Variants in SUPT3H observed in about 807,000 individuals in gnomAD.
SUPT3H encodes transcription initiation protein SPT3 homolog.
In SUPT3H, 44 loss-of-function variants were observed where a neutral mutation model predicts 44.3. The observed-to-expected ratio is 0.99, with a 90% confidence interval of 0.78 to 1.28. The LOEUF (loss-of-function observed/expected upper bound fraction) is 1.28, where lower values mean the gene tolerates loss of function less well. Ranked by LOEUF, SUPT3H falls within the 50% of genes most tolerant of loss-of-function variation. SUPT3H has a pLI of 0.00. For synonymous variants in SUPT3H, 124 were observed against 125.6 expected (o/e 0.99, Z 0.09); for missense variants, 380 against 387.1 (o/e 0.98, Z 0.15).
chr6:45,080,738 T>C (rs1370090904), intron 3 of SUPT3H, among the ~76,000 whole-genome samples: 1 of 151,966 alleles, frequency 6.6e-6, no homozygotes, highest in East Asian at 1.9e-4. Flanking sequence ...ATTGAACTCA[T>C]GGACACAGAG....
Position 44,937,410 on chromosome 6 carries a change from C to T in SUPT3H, c.802-4647G>A, listed in dbSNP as rs1326166842. ...TCGGGAGGCTGAGGCAAGGGAATCG[C>T]TTGAACCCGGGAGGTGGAGGTTGCA... On this transcript the variant is annotated intron_variant, in intron 9 of 10. Transcript: ENST00000371459. Among the ~76,000 whole-genome samples the T allele has an allele frequency of 2.6e-5, 4 of 152,012 alleles. No homozygotes were observed. In the East Asian group the frequency reaches 7.8e-4, roughly 29 times the overall value.
intron 9 of SUPT3H, among the ~76,000 whole-genome samples, chr6:44,938,208 GTCTTA>G (rs1771811844): frequency 6.6e-6 from 1 of 151,542 alleles, no homozygotes; most frequent in African/African-American, 2.4e-5. Context: ...ATAGTTTCAG[GTCTTA>G]TCTTTAAGTC....
At chr6:45,260,037 C>G (rs558328620) in intron 2 of SUPT3H, among the ~76,000 whole-genome samples, 1 of 152,116 alleles carries the variant, frequency 6.6e-6, no homozygotes, top group East Asian at 1.9e-4. Flanking sequence ...TAACAAAAAG[C>G]ACTGTTCTTC....
intron 3 of SUPT3H, chr6:45,097,736 G>A (rs1185901043): frequency 1.3e-5 from 2 of 152,174 alleles, no homozygotes; most frequent in Non-Finnish European, 2.9e-5. Flanking sequence ...TATCTCTAAT[G>A]ATAAAAATAT....
intron 2 of SUPT3H, among the ~76,000 whole-genome samples, chr6:45,183,351 T>C (rs1813612961): frequency 6.6e-6 from 1 of 152,030 alleles, no homozygotes; most frequent in East Asian, 1.9e-4. Context: ...GTATACAGAG[T>C]TTCTGTTAGC....
At chr6:44,998,673 G>A (rs1043340349) in intron 6 of SUPT3H, among the ~76,000 whole-genome samples, 1 of 151,704 alleles carries the variant, frequency 6.6e-6, no homozygotes, top group Non-Finnish European at 1.5e-5. Flanking sequence ...TTCTTATTTA[G>A]AGGTGACACA....
chr6:44,965,142 G>A (rs1776604953), intron 6 of SUPT3H, among the ~76,000 whole-genome samples: 1 of 152,150 alleles, frequency 6.6e-6, no homozygotes, highest in Non-Finnish European at 1.5e-5. Context: ...GCGAGGCCCT[G>A]GGTCAGCAAA....
intron 2 of SUPT3H, among the ~76,000 whole-genome samples, chr6:45,269,119 A>T (rs1482074538): frequency 6.6e-6 from 1 of 152,216 alleles, no homozygotes; most frequent in Admixed American, 6.5e-5. Context: ...TGAGCAGCAC[A>T]TACTAAAATA....
intron 3 of SUPT3H, among the ~76,000 whole-genome samples, chr6:45,040,016 T>C (rs992107883): frequency 2.6e-5 from 4 of 152,302 alleles, no homozygotes; most frequent in East Asian, 1.9e-4. Flanking sequence ...AGGGGACTTA[T>C]GGGATGAACA....
At chr6:45,125,149 C>T (rs901071114) in intron 2 of SUPT3H, among the ~76,000 whole-genome samples, 1 of 152,152 alleles carries the variant, frequency 6.6e-6, no homozygotes, top group Non-Finnish European at 1.5e-5. Context: ...TGCTTTAAGT[C>T]ACCCAGTTTT....
At chr6:45,298,167 G>A (rs1781585792) in intron 2 of SUPT3H, among the ~76,000 whole-genome samples, 1 of 152,146 alleles carries the variant, frequency 6.6e-6, no homozygotes, top group Admixed American at 6.5e-5. Context: ...GAATGATCAT[G>A]ACTTCAGAAA....
intron 10 of SUPT3H, among the ~76,000 whole-genome samples, chr6:44,920,565 C>CAAAAAAAAA (rs5875898): frequency 1.8e-5 from 2 of 113,464 alleles, no homozygotes; most frequent in Non-Finnish European, 1.8e-5. Flanking sequence ...TTGTTTCTTT[C>CAAAAAAAAA]AAAAAAAAAA....
chr6:45,308,749 A>G lies in SUPT3H; in HGVS notation c.101+56452T>C, dbSNP rs1783495683. On this transcript the variant is annotated intron_variant, in intron 2 of 10. Coordinates refer to ENST00000371459, the MANE Select transcript of SUPT3H (RefSeq NM_003599.4). The stretch of plus-strand genomic sequence containing the variant: ...TAGAACTTAAAGTATAACAAAAAAA[A>G]TAAATTTAAAAAAAAAAAAGTCAAA... Among the ~76,000 whole-genome samples the G allele has an allele frequency of 1.9e-4, 7 of 37,678 alleles. No individual in the cohort carries two copies. In the Admixed American group the frequency reaches 2.8e-3, roughly 15 times the overall value. 24.7% of individuals were successfully genotyped at this position (37,678 alleles called of 152,430 possible).
At chr6:44,947,618 A>G (rs1024301580) in intron 9 of SUPT3H, among the ~76,000 whole-genome samples, 1 of 152,184 alleles carries the variant, frequency 6.6e-6, no homozygotes, top group African/African-American at 2.4e-5. Context: ...AGAAATGCGA[A>G]GAACACAGCA....
At chr6:45,253,716 C>T (rs1381122484) in intron 2 of SUPT3H, among the ~76,000 whole-genome samples, 2 of 151,568 alleles carry the variant, frequency 1.3e-5, no homozygotes, top group Non-Finnish European at 2.9e-5. Flanking sequence ...TCACTTGAGT[C>T]CAAAAGCTTC....
chr6:45,229,301 G>A (rs1391214146), intron 2 of SUPT3H, among the ~76,000 whole-genome samples: 1 of 152,032 alleles, frequency 6.6e-6, no homozygotes, highest in Non-Finnish European at 1.5e-5. Flanking sequence ...CAGGAGTTAT[G>A]TCTTTAAACT....
intron 2 of SUPT3H, among the ~76,000 whole-genome samples, chr6:45,255,893 C>T (rs928930337): frequency 2.0e-5 from 3 of 152,148 alleles, no homozygotes; most frequent in Non-Finnish European, 2.9e-5. Context: ...AACTAGTGGC[C>T]GGGCATGGTG....
chr6:45,120,417 T>TAA (rs71687494), intron 2 of SUPT3H, among the ~76,000 whole-genome samples: 6,224 of 50,408 alleles, frequency 0.12, 1,096 homozygotes, highest in African/African-American at 0.31. Context: ...AGACCTTGTC[T>TAA]AAAAAAAAAA....
chr6:45,140,835 C>A (rs1187810992), intron 2 of SUPT3H, among the ~76,000 whole-genome samples: 1 of 152,044 alleles, frequency 6.6e-6, no homozygotes. Flanking sequence ...TCAGGAAGCC[C>A]CATTCCTAGG....
Sources: gnomAD v4.1 joint callset for allele counts (sites outside exome capture counted in the v4.1 genomes callset) on GRCh38, gnomAD v4.1.1 for gene constraint, MANE v1.5 for transcripts, NCBI Gene and HGNC (gene_info 2026-07-23, HGNC 2026-07-21) for gene names.